Variants in RBBP5 observed in about 807,000 individuals in gnomAD.
The protein encoded by RBBP5 is RB binding protein 5, histone lysine methyltransferase complex subunit, also known as retinoblastoma-binding protein 5.
Under a neutral mutation model 72.2 loss-of-function variants are expected in RBBP5, and 5 were observed. The ratio of observed to expected loss-of-function variants is 0.07; its 90% CI spans 0.04 to 0.15. The LOEUF (loss-of-function observed/expected upper bound fraction) is 0.15, where lower values mean the gene tolerates loss of function less well. Ranked by LOEUF, RBBP5 falls within the 10% of genes least tolerant of loss-of-function variation. The pLI, the probability that RBBP5 is intolerant of heterozygous loss-of-function variation, is 1.00. For synonymous variants in RBBP5, 209 were observed against 237.2 expected, an observed-to-expected ratio of 0.88 and a Z score of 1.09; for missense variants, 322 against 652.2, an observed-to-expected ratio of 0.49 and a Z score of 5.51.
chr1:205,118,260 G>A (rs1170940504), intron 1 of RBBP5, among the ~76,000 whole-genome samples: 4 of 152,120 alleles, frequency 2.6e-5, no homozygotes, highest in Non-Finnish European at 4.4e-5. Context: ...ACAGTAAGAC[G>A]CAATCCACCA....
chr1:205,093,748 T>G (rs1020118034), intron 13 of RBBP5, among the ~76,000 whole-genome samples: 1 of 151,456 alleles, frequency 6.6e-6, no homozygotes, highest in African/African-American at 2.4e-5. Context: ...ATACTCAAAA[T>G]GATGAATAAC....
At position 205,099,043 on chromosome 1, in the gene RBBP5, T is replaced by C. The variant is rs1295733085; in HGVS notation, c.1042A>G (p.Arg348Gly). The C allele has an allele frequency of 2.5e-6, 4 of 1,611,998 alleles. No homozygotes were observed. Among genetic ancestry groups the C allele is most frequent in the Non-Finnish European group, 3.4e-6 (4 of 1,179,384 alleles). ...TCTTCAATATCAAACTCTGATTCCC[T>C]TTCTTCGTATTCTACATTTTCATCC... ...ELDENVEYEE[R>G]ESEFDIEDED... The change falls in exon 10 of 14, where the codon AGG becomes GGG. Residue 348 changes from arginine (R) to glycine (G), a missense_variant. Around this residue, in one of 6 missense-constraint regions of RBBP5, gnomAD observed 30 missense variants for 82.1 expected, o/e 0.37. Coordinates refer to ENST00000264515, the MANE Select transcript of RBBP5 (RefSeq NM_005057.4). This position sits in a 1 kb window ranked among gnomAD's most constrained non-coding sequence, Gnocchi z 4.7.
At chr1:205,117,050 T>G (rs1017770997) in intron 1 of RBBP5, among the ~76,000 whole-genome samples, 4 of 152,028 alleles carry the variant, frequency 2.6e-5, no homozygotes, top group African/African-American at 9.7e-5. Context: ...GCCTGGTTTT[T>G]TTTGTTTGTT....
intron 3 of RBBP5, among the ~76,000 whole-genome samples, chr1:205,106,617 A>T (rs1306155928): frequency 6.6e-6 from 1 of 152,172 alleles, no homozygotes; most frequent in East Asian, 1.9e-4. Flanking sequence ...TAAAAAATAA[A>T]TAAGATCTAC....
intron 2 of RBBP5, among the ~76,000 whole-genome samples, chr1:205,115,166 G>C (rs1656472281): frequency 6.6e-6 from 1 of 152,178 alleles, no homozygotes; most frequent in Non-Finnish European, 1.5e-5. Context: ...TCTGGAAACA[G>C]ATGTGATCAA....
chr1:205,093,683 G>C (rs2102262368), intron 13 of RBBP5, among the ~76,000 whole-genome samples: 1 of 150,792 alleles, frequency 6.6e-6, no homozygotes, highest in African/African-American at 2.4e-5. Flanking sequence ...GTACTCAGTG[G>C]TATGGTGTTG....
chr1:205,119,340 C>T (rs1656650183), intron 1 of RBBP5, among the ~76,000 whole-genome samples: 1 of 152,034 alleles, frequency 6.6e-6, no homozygotes, highest in Non-Finnish European at 1.5e-5. Flanking sequence ...AAGTTGCTGT[C>T]AGCCGAGATT....
chr1:205,090,677 C>G (rs1655309366), intron 13 of RBBP5, among the ~76,000 whole-genome samples: 1 of 152,122 alleles, frequency 6.6e-6, no homozygotes, highest in Non-Finnish European at 1.5e-5. Context: ...TAGGAAAATT[C>G]AGCTCAAAAT....
At chr1:205,121,792 G>A in intron 1 of RBBP5, 63 bp downstream of exon 1, 1 of 1,608,886 alleles carries the variant, frequency 6.2e-7, no homozygotes, top group Admixed American at 1.7e-5. Context: ...CTCCCCTCCC[G>A]CCTGGGTTCC....
rs1656750602 is a variant in RBBP5, at chr1:205,121,884, T to C, written c.-11A>G. On this transcript the variant is annotated 5_prime_UTR_variant, in exon 1 of 14. Transcript: ENST00000264515. ...CAACTCGAGGTTCATCCCTGCGGAC[T>C]GTGGCCGCCCGGTCTCAGCTCCGGC... The C allele has an allele frequency of 6.2e-7, 1 of 1,610,778 alleles. No homozygotes were observed.
intron 13 of RBBP5, among the ~76,000 whole-genome samples, chr1:205,089,937 C>T (rs368822020): frequency 1.3e-5 from 2 of 152,188 alleles, no homozygotes; most frequent in Non-Finnish European, 2.9e-5. Context: ...CTGCAACCTC[C>T]GCCTCCTGGG....
chr1:205,095,486 C>T (rs1384319042), intron 12 of RBBP5, among the ~76,000 whole-genome samples: 2 of 152,078 alleles, frequency 1.3e-5, no homozygotes, highest in East Asian at 3.9e-4. Flanking sequence ...GATTGGACAC[C>T]CCTGGCTTAT....
chr1:205,093,916 G>A (rs911686387), intron 13 of RBBP5, among the ~76,000 whole-genome samples: 1 of 151,888 alleles, frequency 6.6e-6, no homozygotes. Flanking sequence ...CCATTGATAC[G>A]TTATCAATCC....
At chr1:205,100,485 T>C (rs1467574008) in intron 6 of RBBP5, among the ~76,000 whole-genome samples, 2 of 152,144 alleles carry the variant, frequency 1.3e-5, no homozygotes, top group African/African-American at 4.8e-5. Flanking sequence ...AATATACAAA[T>C]TGTCAGCATT....
At chr1:205,115,745 T>C (rs1160932002) in intron 2 of RBBP5, 113 bp downstream of exon 2, 6 of 1,306,932 alleles carry the variant, frequency 4.6e-6, no homozygotes, top group South Asian at 1.9e-5. Flanking sequence ...AGATATATTA[T>C]CACACTTAAT....
intron 1 of RBBP5, among the ~76,000 whole-genome samples, chr1:205,119,310 C>T (rs1262012063): frequency 2.0e-5 from 3 of 152,116 alleles, no homozygotes; most frequent in Non-Finnish European, 4.4e-5. Context: ...GTAGGAGAAT[C>T]GGTTGAACTT....
chr1:205,094,773 G>A, intron 13 of RBBP5, 100 bp downstream of exon 13: 1 of 1,287,510 alleles, frequency 7.8e-7, no homozygotes, highest in Non-Finnish European at 1.1e-6. Context: ...GGAAAAACGA[G>A]GGAAGAGAGG....
chr1:205,089,547 T>C (rs951155817), intron 13 of RBBP5, among the ~76,000 whole-genome samples: 2 of 152,186 alleles, frequency 1.3e-5, no homozygotes, highest in Non-Finnish European at 2.9e-5. Flanking sequence ...AGCATGCCAC[T>C]TGAAGGTATA....
At chr1:205,093,140 C>CA (rs1655415590) in intron 13 of RBBP5, among the ~76,000 whole-genome samples, 1 of 151,846 alleles carries the variant, frequency 6.6e-6, no homozygotes, top group South Asian at 2.1e-4. Flanking sequence ...TGGCAATGCC[C>CA]ACGACTGCTC....
Sources: gnomAD v4.1 joint callset for allele counts (sites outside exome capture counted in the v4.1 genomes callset) on GRCh38, gnomAD v4.1.1 for gene constraint, gnomAD v4.1.1 regional missense constraint, Gnocchi (gnomAD v3.1) non-coding constraint, MANE v1.5 for transcripts, NCBI Gene and HGNC (gene_info 2026-07-23, HGNC 2026-07-21) for gene names.